LRP5: variants seen among roughly 807,000 people sequenced by gnomAD.
LRP5 encodes low-density lipoprotein receptor-related protein 5.
A neutral mutation model predicts 154.1 loss-of-function variants in LRP5; 62 were observed. The observed-to-expected ratio is 0.40, with a 90% confidence interval of 0.33 to 0.50. LRP5 has a LOEUF of 0.50. Ranked by LOEUF, LRP5 falls within the 20% of genes least tolerant of loss-of-function variation. The pLI is 0.55. For synonymous variants in LRP5, 966 were observed against 1,011.5 expected (o/e 0.96, Z 0.85); for missense variants, 1,915 against 2,336.7 (o/e 0.82, Z 3.72).
chr11:68,385,829 T>G (rs973393675), intron 5 of LRP5, among the ~76,000 whole-genome samples: 16 of 151,918 alleles, frequency 1.1e-4, no homozygotes, highest in Non-Finnish European at 2.1e-4. Context: ...GAGGGAGCGA[T>G]GAAGTGGCGT....
At position 68,373,101 on chromosome 11, in the gene LRP5, C is replaced by T. The variant is rs1057183716; in HGVS notation, c.1015+7399C>T. On this transcript the variant is annotated intron_variant, in intron 5 of 22. Transcript: ENST00000294304. ...GGCGCTAGCATGGCTGGAAACATCT[C>T]GAGGTTTGAAGCCAGAGCCTCAGGT... 9.9e-5 allele frequency among the ~76,000 whole-genome samples: 15 copies of T among 152,246 alleles called. No homozygotes were observed. In the South Asian group the frequency reaches 2.7e-3, roughly 27 times the overall value.
chr11:68,327,550 C>T (rs1233024151), intron 1 of LRP5, among the ~76,000 whole-genome samples: 1 of 152,204 alleles, frequency 6.6e-6, no homozygotes, highest in Non-Finnish European at 1.5e-5. Context: ...ATTGATCTCC[C>T]CTGTCACTGA....
Position 68,345,542 on chromosome 11 carries a change from C to T in LRP5, c.92-2305C>T, listed in dbSNP as rs779910989. On this transcript the variant is annotated intron_variant, in intron 1 of 22. Coordinates refer to ENST00000294304, the MANE Select transcript of LRP5 (RefSeq NM_002335.4). ...CCTCAGGTGATCCACCCGCCTCAGC[C>T]TCCCAAAGTGCTGGGATTACAGGCG... is the stretch of plus-strand genomic sequence containing the variant. 5.6e-4 allele frequency among the ~76,000 whole-genome samples: 86 copies of T among 152,314 alleles called. 1 individual carries two copies. In the Middle Eastern group the frequency reaches 0.02, roughly 36 times the overall value.
chr11:68,438,560 G>A lies in LRP5; in HGVS notation c.4226G>A (p.Arg1409His), dbSNP rs765378705. 61 of 1,614,128 alleles carry A rather than the reference G, an allele frequency of 3.8e-5. No homozygotes were observed. Among genetic ancestry groups the A allele is most frequent in the Middle Eastern group, 1.7e-4 (1 of 6,060 alleles). The part of the protein sequence containing the change: ...VMGGVYFVCQ[R>H]VVCQRYAGAN... Reference sequence around the variant, plus strand: ...GGTGGTGTCTATTTTGTGTGCCAGCGCGTGGTGTGCCAGCGCTATGCGGGG... The same window carrying A: ...GGTGGTGTCTATTTTGTGTGCCAGCACGTGGTGTGCCAGCGCTATGCGGGG... Residue 1409 changes from arginine (R) to histidine (H), a missense_variant, in exon 20 of 23, where the codon CGC becomes CAC. This residue lies in a region of LRP5 where 1,094 missense variants were observed against 1,210.1 expected (regional missense o/e 0.90). Transcript: ENST00000294304.
intron 6 of LRP5, among the ~76,000 whole-genome samples, chr11:68,387,786 G>A (rs1453918286): frequency 6.6e-6 from 1 of 152,214 alleles, no homozygotes; most frequent in South Asian, 2.1e-4. Flanking sequence ...GGAGCTGGGA[G>A]GTCAGTAGCG....
chr11:68,383,572 C>A (rs2098641389), intron 5 of LRP5, among the ~76,000 whole-genome samples: 1 of 152,216 alleles, frequency 6.6e-6, no homozygotes, highest in African/African-American at 2.4e-5. Flanking sequence ...GGGGCAGGAA[C>A]CTGCCCGAGG....
intron 13 of LRP5, among the ~76,000 whole-genome samples, chr11:68,418,638 C>T (rs544677651): frequency 9.9e-5 from 15 of 152,274 alleles, no homozygotes; most frequent in African/African-American, 3.4e-4. Context: ...TCCTTCCTCC[C>T]GCAGCAGTTT....
chr11:68,397,972 T>TTTTG (rs140344378), intron 7 of LRP5, among the ~76,000 whole-genome samples: 2 of 142,192 alleles, frequency 1.4e-5, no homozygotes, highest in African/African-American at 5.2e-5. Flanking sequence ...CTGTGTGTGT[T>TTTTG]TGTGTGTGTG....
Position 68,413,481 on chromosome 11 carries a change from G to A in LRP5, c.2504-208G>A, listed in dbSNP as rs1259088830. 3.3e-5 allele frequency among the ~76,000 whole-genome samples: 5 copies of A among 152,210 alleles called. No homozygotes were observed. The highest frequency in any genetic ancestry group is 7.3e-5 in the Non-Finnish European group (5 of 68,042). On this transcript the variant is annotated intron_variant, in intron 11 of 22. Coordinates refer to ENST00000294304, the MANE Select transcript of LRP5 (RefSeq NM_002335.4). The surrounding 1 kb of genome is among the most constrained non-coding windows in gnomAD (Gnocchi z 5.1). ...ATCCTGGCCCTGCCACTTAGCAACT[G>A]TGTGACTGTAGCCAGGTCACTTAAT...
chr11:68,317,607 G>T (rs1427912129), intron 1 of LRP5, among the ~76,000 whole-genome samples: 2 of 152,220 alleles, frequency 1.3e-5, no homozygotes, highest in Non-Finnish European at 2.9e-5. Context: ...AGAGGCATGC[G>T]CATACGCGCT....
intron 1 of LRP5, among the ~76,000 whole-genome samples, chr11:68,317,083 GTCCT>G (rs1426614398): frequency 5.9e-5 from 9 of 152,334 alleles, no homozygotes; most frequent in Non-Finnish European, 7.3e-5. Flanking sequence ...CTGGAGGGCT[GTCCT>G]GGGGCCAGTG....
chr11:68,313,039 G>A (rs1213187309), intron 1 of LRP5, among the ~76,000 whole-genome samples: 1 of 147,432 alleles, frequency 6.8e-6, no homozygotes, highest in Non-Finnish European at 1.5e-5. Flanking sequence ...GGCTGGCGAG[G>A]AGGGCGCCCG....
chr11:68,448,693 C>T (rs2098682746), intron 22 of LRP5, 116 bp from the exon 23 acceptor site: 3 of 1,332,488 alleles, frequency 2.3e-6, no homozygotes. Flanking sequence ...GTCCGGCCTG[C>T]ATCTTCTGGA....
chr11:68,364,356 A>G (rs1453772594), intron 4 of LRP5, among the ~76,000 whole-genome samples: 22 of 127,500 alleles, frequency 1.7e-4, no homozygotes, highest in Admixed American at 5.3e-4. Context: ...ATATACATAT[A>G]TATGTGTGTG....
chr11:68,429,075 C>T (rs1419394038), intron 16 of LRP5, among the ~76,000 whole-genome samples: 9 of 145,408 alleles, frequency 6.2e-5, no homozygotes, highest in East Asian at 2.1e-4. Context: ...CCAGCCTGGG[C>T]GATAGAGCAA....
At chr11:68,388,307 C>T (rs1177494371) in intron 6 of LRP5, among the ~76,000 whole-genome samples, 1 of 152,104 alleles carries the variant, frequency 6.6e-6, no homozygotes, top group Non-Finnish European at 1.5e-5. Context: ...TCACTGTCTA[C>T]ATGGGCCTCG....
chr11:68,380,246 A>G (rs867776276), intron 5 of LRP5, among the ~76,000 whole-genome samples: 4 of 152,270 alleles, frequency 2.6e-5, no homozygotes, highest in South Asian at 4.1e-4. Context: ...ACATATTTAC[A>G]TGGTTGAGAA....
chr11:68,325,712 C>T (rs1013474510), intron 1 of LRP5, among the ~76,000 whole-genome samples: 2 of 152,198 alleles, frequency 1.3e-5, no homozygotes, highest in African/African-American at 2.4e-5. Flanking sequence ...ATGCAGGCCC[C>T]CCTCACCCGT....
chr11:68,443,581 A>AT (rs1393479461), intron 21 of LRP5, among the ~76,000 whole-genome samples: 2 of 36,814 alleles, frequency 5.4e-5, no homozygotes, highest in African/African-American at 2.5e-4. Flanking sequence ...ATATATATAT[A>AT]TATATTTTTT....
Sources: gnomAD v4.1 joint callset for allele counts (sites outside exome capture counted in the v4.1 genomes callset) on GRCh38, gnomAD v4.1.1 for gene constraint, gnomAD v4.1.1 regional missense constraint, Gnocchi (gnomAD v3.1) non-coding constraint, MANE v1.5 for transcripts, NCBI Gene and HGNC (gene_info 2026-07-23, HGNC 2026-07-21) for gene names.